The following PPP2R2B variants were observed in gnomAD, a reference collection of about 807,000 sequenced individuals.
The protein encoded by PPP2R2B is protein phosphatase 2 regulatory subunit Bbeta, also known as serine/threonine-protein phosphatase 2A 55 kDa regulatory subunit B beta isoform.
In PPP2R2B, 5 loss-of-function variants were observed where a neutral mutation model predicts 46.0. The ratio of observed to expected loss-of-function variants is 0.11; its 90% CI spans 0.06 to 0.23. The LOEUF (loss-of-function observed/expected upper bound fraction) is 0.23, where lower values mean the gene tolerates loss of function less well. Among genes scored for constraint, PPP2R2B ranks in the 10% least tolerant of loss-of-function variants. PPP2R2B has a pLI of 1.00. For synonymous variants in PPP2R2B, 215 were observed against 206.7 expected (o/e 1.04, Z -0.34); for missense variants, 367 against 575.0 (o/e 0.64, Z 3.70).
chr5:147,074,866 G>A (rs1757713949), intron 2 of PPP2R2B, among the ~76,000 whole-genome samples: 1 of 152,094 alleles, frequency 6.6e-6, no homozygotes, highest in South Asian at 2.1e-4. Flanking sequence ...CTACATGAGT[G>A]ATCTTTTCAG....
intron 2 of PPP2R2B, among the ~76,000 whole-genome samples, chr5:146,786,293 C>T (rs991110027): frequency 1.3e-5 from 2 of 152,290 alleles, no homozygotes; most frequent in South Asian, 2.1e-4. Flanking sequence ...CACTGTCCCC[C>T]ACCCCACTTT....
At chr5:146,687,871 C>A (rs981372318) in intron 5 of PPP2R2B, among the ~76,000 whole-genome samples, 7 of 152,146 alleles carry the variant, frequency 4.6e-5, no homozygotes, top group Non-Finnish European at 1.0e-4. Flanking sequence ...ACTCTCAATA[C>A]CCACATAGAA....
rs978578557 is a variant in PPP2R2B at position 146,943,075 on chromosome 5, G to A, written c.79+112590C>T. ...GCCTCCCAAAGTGCTGGGATTACAG[G>A]CGTGAACTACTACGCCCGGCCCAAA... On this transcript the variant is annotated intron_variant, in intron 1 of 8. Transcript: ENST00000336640. 2.6e-5 allele frequency among the ~76,000 whole-genome samples: 4 copies of A among 152,104 alleles called. No homozygotes were observed. The South Asian group carries it at 6.2e-4, about 24-fold the overall frequency.
chr5:146,824,684 ATAAT>A (rs1007468419), intron 2 of PPP2R2B, among the ~76,000 whole-genome samples: 1 of 152,124 alleles, frequency 6.6e-6, no homozygotes, highest in African/African-American at 2.4e-5. Flanking sequence ...ACTCTTCATA[ATAAT>A]TAATTAAGCC....
intron 7 of PPP2R2B, among the ~76,000 whole-genome samples, chr5:146,631,690 G>A (rs977779383): frequency 6.6e-6 from 1 of 152,192 alleles, no homozygotes; most frequent in African/African-American, 2.4e-5. Context: ...CAGAAAGAAA[G>A]TGTTCTAGCT....
At chr5:146,946,964 C>G (rs1764503860) in intron 1 of PPP2R2B, among the ~76,000 whole-genome samples, 1 of 151,928 alleles carries the variant, frequency 6.6e-6, no homozygotes, top group Non-Finnish European at 1.5e-5. Flanking sequence ...AAGCCAAAGT[C>G]AAGGCTCAAT....
intron 1 of PPP2R2B, among the ~76,000 whole-genome samples, chr5:146,973,030 A>G (rs1393830407): frequency 6.6e-6 from 1 of 151,964 alleles, no homozygotes; most frequent in Non-Finnish European, 1.5e-5. Context: ...TGGTTTATTT[A>G]TCACACTTAG....
chr5:146,757,050 G>A (rs1039183919), intron 2 of PPP2R2B, among the ~76,000 whole-genome samples: 1 of 152,148 alleles, frequency 6.6e-6, no homozygotes, highest in African/African-American at 2.4e-5. Context: ...GATGTGAAAG[G>A]CCAGCCTTTC....
chr5:146,630,955 A>G (rs1774385931), intron 7 of PPP2R2B, among the ~76,000 whole-genome samples: 2 of 152,234 alleles, frequency 1.3e-5, no homozygotes, highest in African/African-American at 2.4e-5. Flanking sequence ...AAGATCACCA[A>G]TTAGGCCATG....
intron 1 of PPP2R2B, among the ~76,000 whole-genome samples, chr5:146,943,041 C>T (rs1478519371): frequency 6.6e-6 from 1 of 152,166 alleles, no homozygotes; most frequent in Middle Eastern, 3.2e-3. Context: ...TCGTGATCCG[C>T]CCACCTGGGC....
chr5:147,003,088 A>G (rs888676223), intron 1 of PPP2R2B, among the ~76,000 whole-genome samples: 1 of 152,138 alleles, frequency 6.6e-6, no homozygotes, highest in African/African-American at 2.4e-5. Flanking sequence ...TTTCTGTACG[A>G]GGGAAGGCAA....
At chr5:147,057,068 T>C (rs1757109906), upstream of PPP2R2B, among the ~76,000 whole-genome samples, 1 of 152,208 alleles carries the variant, frequency 6.6e-6, no homozygotes, top group Non-Finnish European at 1.5e-5. Context: ...CTCTCTTCCT[T>C]ACAAAAATAT....
At chr5:146,800,972 G>A (rs1756830584) in intron 2 of PPP2R2B, among the ~76,000 whole-genome samples, 4 of 151,992 alleles carry the variant, frequency 2.6e-5, no homozygotes, top group Admixed American at 2.0e-4. Context: ...ATATATGTGT[G>A]TATACACTGG....
intron 2 of PPP2R2B, among the ~76,000 whole-genome samples, chr5:146,845,167 C>T (rs1040165472): frequency 6.6e-6 from 1 of 152,134 alleles, no homozygotes; most frequent in Non-Finnish European, 1.5e-5. Flanking sequence ...ATGGCTGGCT[C>T]ATTGTCATTC....
At chr5:146,932,713 C>G (rs1239039840) in intron 1 of PPP2R2B, among the ~76,000 whole-genome samples, 1 of 152,188 alleles carries the variant, frequency 6.6e-6, no homozygotes, top group African/African-American at 2.4e-5. Context: ...CATGAAGAGA[C>G]TGAAGACTCT....
chr5:146,985,017 C>A (rs149049571), intron 1 of PPP2R2B, among the ~76,000 whole-genome samples: 1 of 99,490 alleles, frequency 1.0e-5, no homozygotes, highest in African/African-American at 3.6e-5. Flanking sequence ...TTTTCTTTTT[C>A]TTTTTTTTTT....
chr5:146,631,343 C>T (rs889706701), intron 7 of PPP2R2B, among the ~76,000 whole-genome samples: 2 of 152,176 alleles, frequency 1.3e-5, no homozygotes, highest in Admixed American at 6.5e-5. Flanking sequence ...CTGACCTCAT[C>T]CCTTTCATAT....
intron 2 of PPP2R2B, among the ~76,000 whole-genome samples, chr5:146,822,932 G>C (rs1758357639): frequency 6.6e-6 from 1 of 152,116 alleles, no homozygotes; most frequent in Admixed American, 6.5e-5. Context: ...AGAACTTGTA[G>C]GAAGAAGTGA....
At chr5:146,691,748 TC>T (rs1173812472) in intron 4 of PPP2R2B, among the ~76,000 whole-genome samples, 2 of 152,104 alleles carry the variant, frequency 1.3e-5, no homozygotes, top group East Asian at 3.9e-4. Context: ...GTCCATCCTC[TC>T]CCTGCTCACT....
Sources: allele counts gnomAD v4.1 joint callset (sites outside exome capture counted in the v4.1 genomes callset), GRCh38; gene constraint gnomAD v4.1.1; transcripts MANE v1.5; gene names NCBI Gene and HGNC (gene_info 2026-07-23, HGNC 2026-07-21).